The following FSTL4 variants were observed in gnomAD, a reference collection of about 807,000 sequenced individuals.
FSTL4 encodes the protein follistatin-related protein 4.
In FSTL4, 28 loss-of-function variants were observed where a neutral mutation model predicts 78.2. The observed-to-expected ratio is 0.36, with a 90% CI of 0.27 to 0.49. The LOEUF is 0.49. FSTL4 is among the 20% of genes least tolerant of loss of function. The probability of loss-of-function intolerance (pLI) is 0.98; values close to 1 mark genes in which losing one functional copy is unlikely to be tolerated. For synonymous variants in FSTL4, 422 were observed against 440.5 expected, an observed-to-expected ratio of 0.96 and a Z score of 0.53; for missense variants, 922 against 1,084.9, an observed-to-expected ratio of 0.85 and a Z score of 2.11.
the FSTL4 span, among the ~76,000 whole-genome samples, chr5:133,758,392 A>T: frequency 1.3e-5 from 2 of 152,360 alleles, no homozygotes; most frequent in African/African-American, 4.8e-5. Context: ...AAGAATAAAC[A>T]TAAGGAAAGT....
At chr5:133,749,037 A>AT in the FSTL4 span, among the ~76,000 whole-genome samples, 6 of 152,340 alleles carry the variant, frequency 3.9e-5, no homozygotes, top group East Asian at 1.2e-3. Context: ...GCAGGAGGAC[A>AT]TGCAGGTCAG....
At chr5:133,579,400 A>T (rs1011359037) in intron 2 of FSTL4, among the ~76,000 whole-genome samples, 1 of 152,222 alleles carries the variant, frequency 6.6e-6, no homozygotes, top group Admixed American at 6.5e-5. Flanking sequence ...ACAGAAACAC[A>T]GGGACAGCCT....
intron 3 of FSTL4, among the ~76,000 whole-genome samples, chr5:133,486,095 A>G (rs1487053670): frequency 2.6e-5 from 4 of 152,142 alleles, no homozygotes; most frequent in Non-Finnish European, 4.4e-5. Context: ...CCATCGGTAA[A>G]AACACGGGCT....
At chr5:133,635,075 T>TA in the FSTL4 span, among the ~76,000 whole-genome samples, 4,772 of 148,242 alleles carry the variant, frequency 0.032, 255 homozygotes, top group African/African-American at 0.11. Flanking sequence ...TTTTATTCTT[T>TA]AAAAAAAAAA....
At chr5:133,463,165 T>C (rs1420790108) in intron 3 of FSTL4, among the ~76,000 whole-genome samples, 2 of 152,194 alleles carry the variant, frequency 1.3e-5, no homozygotes, top group African/African-American at 4.8e-5. Context: ...ACACTCCCTG[T>C]CCTATGAGTA....
the FSTL4 span, among the ~76,000 whole-genome samples, chr5:133,830,149 G>A: frequency 5.3e-5 from 8 of 152,252 alleles, no homozygotes; most frequent in Non-Finnish European, 1.2e-4. Context: ...GATAGTCATA[G>A]CCCTGACCCA....
intron 4 of FSTL4, among the ~76,000 whole-genome samples, chr5:133,336,138 G>A (rs531539363): frequency 2.0e-5 from 3 of 152,316 alleles, no homozygotes; most frequent in Non-Finnish European, 2.9e-5. Context: ...CCATAACCAC[G>A]GGACAGCAGC....
At chr5:133,253,398 T>A (rs1752307798) in intron 6 of FSTL4, among the ~76,000 whole-genome samples, 1 of 152,238 alleles carries the variant, frequency 6.6e-6, no homozygotes, top group Non-Finnish European at 1.5e-5. Flanking sequence ...GGGCCTCAGT[T>A]TAGACATGGA....
At chr5:133,285,676 C>A (rs987764087) in intron 6 of FSTL4, among the ~76,000 whole-genome samples, 4 of 152,234 alleles carry the variant, frequency 2.6e-5, no homozygotes, top group African/African-American at 9.6e-5. Context: ...AAGCTCCCAG[C>A]TGTGGAGTCA....
the FSTL4 span, among the ~76,000 whole-genome samples, chr5:133,791,278 GCA>G: frequency 0.012 from 1,819 of 148,032 alleles, 28 homozygotes; most frequent in African/African-American, 0.033. Flanking sequence ...ACATGTGCGT[GCA>G]CACACACACA....
the FSTL4 span, among the ~76,000 whole-genome samples, chr5:133,665,534 C>A: frequency 1.3e-5 from 2 of 152,158 alleles, no homozygotes; most frequent in Non-Finnish European, 2.9e-5. Flanking sequence ...GTGCTTGCCC[C>A]TAAGAATAAC....
At chr5:133,826,062 T>A in the FSTL4 span, among the ~76,000 whole-genome samples, 1 of 152,224 alleles carries the variant, frequency 6.6e-6, no homozygotes, top group African/African-American at 2.4e-5. Flanking sequence ...AGGCAACTTC[T>A]GAGCTGAGCA....
the FSTL4 span, among the ~76,000 whole-genome samples, chr5:133,667,262 G>A: frequency 6.6e-6 from 1 of 151,972 alleles, no homozygotes. Context: ...TGTCCAAAAT[G>A]TTACCAGTTG....
At chr5:133,627,919 GTA>G in the FSTL4 span, among the ~76,000 whole-genome samples, 2 of 151,038 alleles carry the variant, frequency 1.3e-5, no homozygotes, top group African/African-American at 4.9e-5. Context: ...GTGTTTTTGA[GTA>G]TATCTCTTTG....
chr5:133,778,494 A>G, the FSTL4 span, among the ~76,000 whole-genome samples: 4 of 152,176 alleles, frequency 2.6e-5, no homozygotes, highest in African/African-American at 9.7e-5. Flanking sequence ...GTGGACTCCA[A>G]CTCAACCCAA....
At chr5:133,713,893 A>G in the FSTL4 span, among the ~76,000 whole-genome samples, 2 of 152,210 alleles carry the variant, frequency 1.3e-5, no homozygotes, top group Non-Finnish European at 2.9e-5. Context: ...GCACAGCCAC[A>G]CATCGGCTCT....
intron 4 of FSTL4, among the ~76,000 whole-genome samples, chr5:133,369,785 G>C (rs920142142): frequency 2.0e-5 from 3 of 152,166 alleles, no homozygotes; most frequent in Non-Finnish European, 4.4e-5. Flanking sequence ...TTGATTTACT[G>C]GGTGGGTTCT....
intron 3 of FSTL4, among the ~76,000 whole-genome samples, chr5:133,506,458 G>T (rs1561449585): frequency 1.3e-5 from 2 of 152,272 alleles, no homozygotes; most frequent in Admixed American, 1.3e-4. Flanking sequence ...TGAGAAAGGG[G>T]ACAGATTTGG....
intron 6 of FSTL4, among the ~76,000 whole-genome samples, chr5:133,284,067 G>A (rs1356815895): frequency 6.6e-6 from 1 of 152,198 alleles, no homozygotes; most frequent in Non-Finnish European, 1.5e-5. Flanking sequence ...CCAGCATTGA[G>A]AATTACAATT....
Sources: allele counts gnomAD v4.1 joint callset (sites outside exome capture counted in the v4.1 genomes callset), GRCh38; gene constraint gnomAD v4.1.1; transcripts MANE v1.5; gene names NCBI Gene and HGNC (gene_info 2026-07-23, HGNC 2026-07-21).